ARHGAP44: variants seen among roughly 807,000 people sequenced by gnomAD.
ARHGAP44 encodes the protein rho GTPase-activating protein 44.
A neutral mutation model predicts 106.8 loss-of-function variants in ARHGAP44; 43 were observed. The observed-to-expected ratio is 0.40, with a 90% CI of 0.32 to 0.52. ARHGAP44 has a LOEUF of 0.52. Among genes scored for constraint, ARHGAP44 ranks in the 20% least tolerant of loss-of-function variants. The pLI, the probability that ARHGAP44 is intolerant of heterozygous loss-of-function variation, is 0.48. For missense variants in ARHGAP44, 866 were observed against 1,050.5 expected (o/e 0.82, Z 2.43); for synonymous variants, 439 against 410.3 (o/e 1.07, Z -0.85).
chr17:12,916,075 T>C, intron 5 of ARHGAP44, 64 bp downstream of exon 5: 2 of 1,302,824 alleles, frequency 1.5e-6, no homozygotes, highest in Non-Finnish European at 1.1e-6. Context: ...AGCCCCTCAA[T>C]CATTCTGTTT....
intron 1 of ARHGAP44, among the ~76,000 whole-genome samples, chr17:12,806,914 G>A (rs548036252): frequency 2.6e-5 from 4 of 152,286 alleles, no homozygotes; most frequent in African/African-American, 4.8e-5. Flanking sequence ...ATAAGGTGTC[G>A]TGGAAGCAAA....
intron 3 of ARHGAP44, among the ~76,000 whole-genome samples, chr17:12,903,579 A>G (rs182633455): frequency 5.3e-5 from 8 of 152,274 alleles, no homozygotes; most frequent in Admixed American, 5.2e-4. Flanking sequence ...CTAAGACTGG[A>G]TATCCTTTTA....
intron 6 of ARHGAP44, among the ~76,000 whole-genome samples, chr17:12,925,613 G>A (rs1052987292): frequency 6.6e-6 from 1 of 152,014 alleles, no homozygotes; most frequent in Non-Finnish European, 1.5e-5. Context: ...CTCTCCCAAG[G>A]CTTCATTAAA....
chr17:12,811,299 T>C (rs1007558119), intron 1 of ARHGAP44, among the ~76,000 whole-genome samples: 4 of 139,118 alleles, frequency 2.9e-5, no homozygotes, highest in East Asian at 2.1e-4. Context: ...GGTGACAGAG[T>C]GAGACTCCTT....
At chr17:12,839,458 G>A (rs560990357) in intron 1 of ARHGAP44, among the ~76,000 whole-genome samples, 4 of 152,224 alleles carry the variant, frequency 2.6e-5, no homozygotes, top group Admixed American at 6.5e-5. Flanking sequence ...TACTACAAAC[G>A]GCAGTTCATT....
chr17:12,963,564 CAATG>C (rs2039315713), intron 16 of ARHGAP44, among the ~76,000 whole-genome samples: 2 of 137,812 alleles, frequency 1.5e-5, no homozygotes, highest in East Asian at 1.4e-3. Flanking sequence ...AGCCTTGCAT[CAATG>C]CTGTGTGTGC....
chr17:12,987,264 C>T (rs2039984901), intron 20 of ARHGAP44: 3 of 936,450 alleles, frequency 3.2e-6, no homozygotes, highest in Non-Finnish European at 4.6e-6. Context: ...TGCATGGCAG[C>T]TTCACTCTCC....
At chr17:12,870,317 C>G (rs922056748) in intron 1 of ARHGAP44, among the ~76,000 whole-genome samples, 1 of 152,054 alleles carries the variant, frequency 6.6e-6, no homozygotes, top group Non-Finnish European at 1.5e-5. Flanking sequence ...TGTGGGATTA[C>G]AGGTACAAGC....
chr17:12,825,081 GC>G (rs1244124471), intron 1 of ARHGAP44, among the ~76,000 whole-genome samples: 13 of 151,908 alleles, frequency 8.6e-5, no homozygotes, highest in African/African-American at 2.9e-4. Flanking sequence ...TGTCACCCAG[GC>G]TGGAGTTCAG....
At chr17:12,844,522 A>G (rs530451663) in intron 1 of ARHGAP44, among the ~76,000 whole-genome samples, 11 of 152,272 alleles carry the variant, frequency 7.2e-5, no homozygotes, top group Non-Finnish European at 1.3e-4. Flanking sequence ...TAAGTTTCCA[A>G]TGCATTAACT....
chr17:12,976,443 T>G (rs903179381), intron 18 of ARHGAP44, among the ~76,000 whole-genome samples: 4 of 151,616 alleles, frequency 2.6e-5, no homozygotes, highest in African/African-American at 9.7e-5. Context: ...TGAAACCCCA[T>G]CTCTACTAAA....
At chr17:12,811,312 C>CAAA (rs368637195) in intron 1 of ARHGAP44, among the ~76,000 whole-genome samples, 4 of 98,682 alleles carry the variant, frequency 4.1e-5, no homozygotes, top group Middle Eastern at 6.4e-3. Context: ...GACTCCTTCT[C>CAAA]AAAAAAAAAA....
At chr17:12,802,933 A>G (rs1222969091) in intron 1 of ARHGAP44, among the ~76,000 whole-genome samples, 22 of 8,760 alleles carry the variant, frequency 2.5e-3, no homozygotes, top group Admixed American at 0.015. Flanking sequence ...TAATTTATAT[A>G]TATATATATA....
intron 1 of ARHGAP44, among the ~76,000 whole-genome samples, chr17:12,874,595 G>A (rs767323454): frequency 6.6e-6 from 1 of 152,090 alleles, no homozygotes; most frequent in Non-Finnish European, 1.5e-5. Flanking sequence ...GCAGGGTGTG[G>A]TGGTGGGCAC....
intron 6 of ARHGAP44, among the ~76,000 whole-genome samples, chr17:12,926,524 ATT>A (rs2038251970): frequency 6.9e-6 from 1 of 145,738 alleles, no homozygotes; most frequent in Non-Finnish European, 1.5e-5. Context: ...ATGCATATAT[ATT>A]ATACATACAT....
intron 1 of ARHGAP44, among the ~76,000 whole-genome samples, chr17:12,848,953 C>T (rs2035652213): frequency 6.6e-6 from 1 of 151,492 alleles, no homozygotes; most frequent in Admixed American, 6.6e-5. Flanking sequence ...GAGGCTGAGG[C>T]AGGAGAATTG....
chr17:12,885,958 T>C (rs1271981212), intron 1 of ARHGAP44, among the ~76,000 whole-genome samples: 1 of 152,142 alleles, frequency 6.6e-6, no homozygotes, highest in East Asian at 1.9e-4. Flanking sequence ...TTCTTCTATG[T>C]TTCCTGTAAA....
intron 4 of ARHGAP44, among the ~76,000 whole-genome samples, chr17:12,910,396 A>G (rs2037690855): frequency 6.6e-6 from 1 of 151,740 alleles, no homozygotes; most frequent in Non-Finnish European, 1.5e-5. Flanking sequence ...ATACACATGG[A>G]AGAACTCAGG....
At chr17:12,956,250 G>T (rs1252065807) in intron 14 of ARHGAP44, among the ~76,000 whole-genome samples, 1 of 152,072 alleles carries the variant, frequency 6.6e-6, no homozygotes, top group Non-Finnish European at 1.5e-5. Context: ...GGAAAGGAGG[G>T]CGTAGGACAT....
Sources: gnomAD v4.1 joint callset for allele counts (sites outside exome capture counted in the v4.1 genomes callset) on GRCh38, gnomAD v4.1.1 for gene constraint, MANE v1.5 for transcripts, NCBI Gene and HGNC (gene_info 2026-07-23, HGNC 2026-07-21) for gene names.